The following EML4 variants were observed in gnomAD, a reference collection of about 807,000 sequenced individuals.
EML4 encodes the protein EMAP like 4.
A neutral mutation model predicts 129.0 loss-of-function variants in EML4; 72 were observed. The observed-to-expected ratio is 0.56, with a 90% CI of 0.46 to 0.68. EML4 has a LOEUF of 0.68. EML4 is among the 30% of genes least tolerant of loss of function. The probability of loss-of-function intolerance (pLI) is 0.00; values close to 1 mark genes in which losing one functional copy is unlikely to be tolerated. For synonymous variants in EML4, 532 were observed against 405.0 expected (o/e 1.31, Z -3.77); for missense variants, 1,363 against 1,190.6 (o/e 1.14, Z -2.13).
At chr2:42,209,910 C>T (rs1350302286) in intron 1 of EML4, among the ~76,000 whole-genome samples, 1 of 152,038 alleles carries the variant, frequency 6.6e-6, no homozygotes, top group Non-Finnish European at 1.5e-5. Context: ...GCCTGGGCAA[C>T]AAGGGCAAAA....
chr2:42,243,347 C>T (rs1467710413), intron 1 of EML4, among the ~76,000 whole-genome samples: 1 of 151,416 alleles, frequency 6.6e-6, no homozygotes, highest in East Asian at 1.9e-4. Flanking sequence ...AGCTAGACCA[C>T]CGTGGAAGTG....
intron 1 of EML4, among the ~76,000 whole-genome samples, chr2:42,213,324 T>C (rs375521077): frequency 6.6e-6 from 1 of 152,180 alleles, no homozygotes; most frequent in Non-Finnish European, 1.5e-5. Flanking sequence ...GTTTTGGCTG[T>C]TTTTGGAATC....
At chr2:42,270,335 G>A (rs1433125569) in intron 6 of EML4, among the ~76,000 whole-genome samples, 1 of 152,132 alleles carries the variant, frequency 6.6e-6, no homozygotes, top group Non-Finnish European at 1.5e-5. Context: ...AAGGTGGGTG[G>A]ATTGCTTGAG....
intron 1 of EML4, among the ~76,000 whole-genome samples, chr2:42,202,037 T>G (rs1672264704): frequency 6.6e-6 from 1 of 150,982 alleles, no homozygotes; most frequent in Admixed American, 6.6e-5. Flanking sequence ...GAGCTGAGAT[T>G]GCACCACTGC....
At chr2:42,205,467 A>G (rs1331330704) in intron 1 of EML4, among the ~76,000 whole-genome samples, 1 of 152,164 alleles carries the variant, frequency 6.6e-6, no homozygotes, top group Non-Finnish European at 1.5e-5. Context: ...ATAGGTGTAG[A>G]TGGTGTTGAA....
chr2:42,322,919 C>G (rs984509111), intron 19 of EML4, among the ~76,000 whole-genome samples: 2 of 152,154 alleles, frequency 1.3e-5, no homozygotes, highest in African/African-American at 4.8e-5. Flanking sequence ...GAGTTAATAA[C>G]TTTCCTAAGA....
chr2:42,306,292 C>CA (rs763260176), intron 17 of EML4, among the ~76,000 whole-genome samples: 3 of 151,064 alleles, frequency 2.0e-5, no homozygotes, highest in African/African-American at 4.9e-5. Flanking sequence ...TTTCTTCAAC[C>CA]AAAAAAAATG....
intron 11 of EML4, 140 bp from the exon 12 acceptor site, chr2:42,294,985 T>C: frequency 2.9e-6 from 2 of 693,318 alleles, no homozygotes; most frequent in Admixed American, 3.5e-5. Context: ...TATCAAAATT[T>C]TTCAGGAAAA....
intron 10 of EML4, among the ~76,000 whole-genome samples, chr2:42,287,398 T>G (rs1667368650): frequency 6.6e-6 from 1 of 152,180 alleles, no homozygotes. Flanking sequence ...TAACCATTGT[T>G]ACGGTGTTAA....
intron 1 of EML4, among the ~76,000 whole-genome samples, chr2:42,182,376 C>A (rs912321185): frequency 1.3e-5 from 2 of 150,276 alleles, no homozygotes; most frequent in Non-Finnish European, 3.0e-5. Flanking sequence ...TGGGCTGCCC[C>A]CTCATCTTGT....
chr2:42,281,017 T>C, intron 7 of EML4, 44 bp downstream of exon 7: 1 of 1,477,596 alleles, frequency 6.8e-7, no homozygotes, highest in Admixed American at 2.3e-5. Context: ...GCTTTGTCTC[T>C]AGTTAACAAA....
chr2:42,330,457 A>G lies in EML4; in HGVS notation c.*250A>G, dbSNP rs982328154. 2 of 573,826 alleles carry G rather than the reference A, an allele frequency of 3.5e-6. No individual in the cohort carries two copies. Among genetic ancestry groups the G allele is most frequent in the Non-Finnish European group, 6.3e-6 (2 of 317,052 alleles). 35.5% of individuals were successfully genotyped at this position (573,826 alleles called of 1,614,324 possible). ...ACTGAATCATTAATGATGTCTCACA[A>G]ATTACTGTGTACCTAAGTGGTGTGA... On this transcript the variant is annotated 3_prime_UTR_variant, in exon 23 of 23. Transcript: ENST00000318522.
intron 1 of EML4, among the ~76,000 whole-genome samples, chr2:42,196,113 T>C (rs1671881894): frequency 6.6e-6 from 1 of 152,228 alleles, no homozygotes; most frequent in South Asian, 2.1e-4. Flanking sequence ...ACCTTGTTTG[T>C]AAAATTTACT....
intron 13 of EML4, among the ~76,000 whole-genome samples, chr2:42,300,686 C>G (rs1040055667): frequency 6.6e-6 from 1 of 152,206 alleles, no homozygotes; most frequent in Non-Finnish European, 1.5e-5. Context: ...CAGAAGGCCT[C>G]TGGGTTAACA....
chr2:42,221,011 A>G (rs916485240), intron 1 of EML4, among the ~76,000 whole-genome samples: 5 of 152,176 alleles, frequency 3.3e-5, no homozygotes. Context: ...AGGTTTAAGG[A>G]AAGAAGCCAT....
rs1671227728 is a variant in EML4 at position 42,185,969 on chromosome 2, C to T, written c.25+16333C>T. Among the ~76,000 whole-genome samples, 4 of 152,002 alleles carry T rather than the reference C, an allele frequency of 2.6e-5. No individual in the cohort carries two copies. In the South Asian group the frequency reaches 8.3e-4, roughly 32 times the overall value. ...CTACAAGACTCTGTTATGAATCAGG[C>T]ACTTTATGCATATGAGTTTAAGTGT... On this transcript the variant is annotated intron_variant, in intron 1 of 22. Transcript: ENST00000318522.
chr2:42,284,427 T>G (rs1667177884), intron 8 of EML4, among the ~76,000 whole-genome samples: 1 of 152,222 alleles, frequency 6.6e-6, no homozygotes, highest in African/African-American at 2.4e-5. Flanking sequence ...TAGTGTTTCA[T>G]TAATCTGTGC....
chr2:42,230,671 G>C (rs985543027), intron 1 of EML4, among the ~76,000 whole-genome samples: 2 of 152,220 alleles, frequency 1.3e-5, no homozygotes, highest in African/African-American at 2.4e-5. Context: ...CTCCGAAAGT[G>C]CTGGGATTAC....
intron 1 of EML4, among the ~76,000 whole-genome samples, chr2:42,188,717 A>C (rs922470494): frequency 6.6e-6 from 1 of 151,968 alleles, no homozygotes; most frequent in South Asian, 2.1e-4. Flanking sequence ...GTAGAGATGG[A>C]GTTTCACCAT....
Sources: allele counts gnomAD v4.1 joint callset (sites outside exome capture counted in the v4.1 genomes callset), GRCh38; gene constraint gnomAD v4.1.1; transcripts MANE v1.5; gene names NCBI Gene and HGNC (gene_info 2026-07-23, HGNC 2026-07-21).